The following ADAM32 variants were observed in gnomAD, a reference collection of about 807,000 sequenced individuals.
ADAM32 encodes the protein disintegrin and metalloproteinase domain-containing protein 32.
In ADAM32, 89 loss-of-function variants were observed where a neutral mutation model predicts 114.9. That is an observed-to-expected ratio of 0.77 (90% CI 0.65 to 0.92). The LOEUF (loss-of-function observed/expected upper bound fraction) is 0.92, where lower values mean the gene tolerates loss of function less well. ADAM32 is among the 40% of genes least tolerant of loss of function. The pLI, the probability that ADAM32 is intolerant of heterozygous loss-of-function variation, is 0.00. For missense variants in ADAM32, 870 were observed against 932.8 expected (o/e 0.93, Z 0.88); for synonymous variants, 285 against 307.5 (o/e 0.93, Z 0.77).
chr8:39,118,047 G>T, intron 1 of ADAM32, 39 bp from the exon 2 acceptor site: 3 of 1,270,372 alleles, frequency 2.4e-6, no homozygotes, highest in South Asian at 3.0e-5. Context: ...ATCAAATTAA[G>T]GCAAGGTTAC....
At chr8:39,225,308 G>A (rs1416366544) in intron 14 of ADAM32, among the ~76,000 whole-genome samples, 1 of 152,172 alleles carries the variant, frequency 6.6e-6, no homozygotes, top group Non-Finnish European at 1.5e-5. Flanking sequence ...TTGAGACGCT[G>A]ACTCTCCATC....
At chr8:39,208,930 T>C (rs1444146395) in intron 11 of ADAM32, among the ~76,000 whole-genome samples, 2 of 152,196 alleles carry the variant, frequency 1.3e-5, no homozygotes, top group South Asian at 2.1e-4. Flanking sequence ...ATATTTATAT[T>C]GAGGTTTGGA....
At chr8:39,226,335 T>C (rs1185338101) in intron 14 of ADAM32, among the ~76,000 whole-genome samples, 1 of 152,042 alleles carries the variant, frequency 6.6e-6, no homozygotes, top group Admixed American at 6.6e-5. Flanking sequence ...AAAATAATAA[T>C]AACTGAAAAC....
chr8:39,245,266 G>A (rs1304892172), intron 16 of ADAM32, among the ~76,000 whole-genome samples: 1 of 152,112 alleles, frequency 6.6e-6, no homozygotes. Context: ...AAGATGCAAA[G>A]GCATGAGAAT....
rs367626948 is a variant in ADAM32 at position 39,164,785 on chromosome 8, A to G, written c.616A>G (p.Ser206Gly). ...TCAGTATGATTACTGGGGCTCTGAT[A>G]GCATGATAGTAACAAATAAAGTCAT... ...KTLYDYWGSD[S>G]MIVTNKVIEI... Residue 206 changes from serine to glycine, a missense_variant, in exon 8 of 25, where the codon AGC (serine) becomes GGC (glycine). Physicochemically the swap from Ser to Gly is moderately conservative, Grantham distance 56 (BLOSUM62 0). Coordinates refer to ENST00000379907, the MANE Select transcript of ADAM32 (RefSeq NM_145004.7). 1.9e-6 allele frequency: 3 copies of G among 1,604,804 alleles called. No homozygotes were observed. In the African/African-American group the frequency reaches 4.0e-5, roughly 21 times the overall value.
At chr8:39,279,476 G>A (rs1344312988) in intron 22 of ADAM32, among the ~76,000 whole-genome samples, 1 of 152,112 alleles carries the variant, frequency 6.6e-6, no homozygotes, top group Non-Finnish European at 1.5e-5. Flanking sequence ...TAGAGACGGG[G>A]TTTCACCATC....
At chr8:39,239,568 T>G (rs1810419858) in intron 16 of ADAM32, among the ~76,000 whole-genome samples, 1 of 152,150 alleles carries the variant, frequency 6.6e-6, no homozygotes, top group Admixed American at 6.6e-5. Context: ...GAATAGTACC[T>G]CACATCTCAA....
chr8:39,202,726 G>T (rs1358557819), intron 11 of ADAM32, among the ~76,000 whole-genome samples: 1 of 151,934 alleles, frequency 6.6e-6, no homozygotes. Flanking sequence ...GTGATGTTAG[G>T]GTGTCAGTTT....
intron 19 of ADAM32, among the ~76,000 whole-genome samples, chr8:39,260,491 T>A (rs1433649819): frequency 6.6e-6 from 1 of 152,182 alleles, no homozygotes; most frequent in Non-Finnish European, 1.5e-5. Context: ...TATGTTGAGG[T>A]ATATTTCTTC....
At chr8:39,123,704 CT>C (rs34747712) in intron 2 of ADAM32, among the ~76,000 whole-genome samples, 156 of 132,144 alleles carry the variant, frequency 1.2e-3, no homozygotes, top group South Asian at 1.4e-3. Context: ...ATTTTCTTTC[CT>C]TTTTTTTTTT....
intron 22 of ADAM32, among the ~76,000 whole-genome samples, chr8:39,278,688 A>G (rs1482109128): frequency 6.6e-6 from 1 of 151,664 alleles, no homozygotes; most frequent in Non-Finnish European, 1.5e-5. Flanking sequence ...TTAAATTAAT[A>G]CCTGCTAAGA....
chr8:39,221,323 C>T, intron 12 of ADAM32: 1 of 266,922 alleles, frequency 3.7e-6, no homozygotes, highest in Non-Finnish European at 7.1e-6. Flanking sequence ...TTATAGGTAG[C>T]ATATAGTGAG....
At chr8:39,126,092 A>C (rs1176704203) in intron 2 of ADAM32, among the ~76,000 whole-genome samples, 4 of 152,172 alleles carry the variant, frequency 2.6e-5, no homozygotes, top group African/African-American at 9.6e-5. Context: ...GTCATGTAGC[A>C]TGATGCCTTC....
chr8:39,211,371 A>G (rs11786404), intron 12 of ADAM32, 47 bp downstream of exon 12: 387,291 of 1,396,906 alleles, frequency 0.28, 55,045 homozygotes, highest in Non-Finnish European at 0.29. Flanking sequence ...TATTGTTTTA[A>G]TTTATCTTTT....
At position 39,267,514 on chromosome 8, in the gene ADAM32, G is replaced by A. The variant is rs150779423; in HGVS notation, c.2163-3362G>A. On this transcript the variant is annotated intron_variant, in intron 19 of 24. Transcript: ENST00000379907. ...TTGATGAATATTTGGGTTATTTCCA[G>A]TTTATAGGTGTTATAAATGAAGCTG... Among the ~76,000 whole-genome samples, 278 of 152,164 alleles carry A rather than the reference G, an allele frequency of 1.8e-3. 1 individual carries two copies. Among genetic ancestry groups the A allele is most frequent in the African/African-American group, 6.5e-3 (269 of 41,504 alleles).
intron 16 of ADAM32, among the ~76,000 whole-genome samples, chr8:39,237,547 G>T (rs1336879910): frequency 6.7e-6 from 1 of 149,292 alleles, no homozygotes; most frequent in African/African-American, 2.5e-5. Context: ...GGGGAGCATG[G>T]TGGGAGTGAC....
chr8:39,177,244 A>G (rs1805585331), intron 10 of ADAM32, among the ~76,000 whole-genome samples: 1 of 152,056 alleles, frequency 6.6e-6, no homozygotes, highest in African/African-American at 2.4e-5. Context: ...TGTTTTCAGT[A>G]GAGACAGGAT....
intron 10 of ADAM32, among the ~76,000 whole-genome samples, chr8:39,174,345 A>G (rs188859021): frequency 7.9e-4 from 120 of 152,246 alleles, no homozygotes; most frequent in African/African-American, 2.7e-3. Context: ...TACCAGTACG[A>G]TGCTGTTTTG....
At chr8:39,107,587 C>T, upstream of ADAM32, 1 of 1,411,410 alleles carries the variant, frequency 7.1e-7, no homozygotes, top group Non-Finnish European at 9.2e-7. Flanking sequence ...ATGTTTTAGC[C>T]TCGGGGCGCA....
Sources: allele counts gnomAD v4.1 joint callset (sites outside exome capture counted in the v4.1 genomes callset), GRCh38; gene constraint gnomAD v4.1.1; transcripts MANE v1.5; gene names NCBI Gene and HGNC (gene_info 2026-07-23, HGNC 2026-07-21).